The following EIF3H variants were observed in gnomAD, a reference collection of about 807,000 sequenced individuals.
EIF3H encodes eIF-3-gamma.
In EIF3H, 26 loss-of-function variants were observed where a neutral mutation model predicts 44.2. The ratio of observed to expected loss-of-function variants is 0.59; its 90% CI spans 0.43 to 0.82. The LOEUF (loss-of-function observed/expected upper bound fraction) is 0.82. EIF3H is among the 40% of genes least tolerant of loss of function. The pLI, the probability that EIF3H is intolerant of heterozygous loss-of-function variation, is 0.00. For synonymous variants in EIF3H, 166 were observed against 151.9 expected (o/e 1.09, Z -0.68); for missense variants, 359 against 432.8 (o/e 0.83, Z 1.51).
intron 2 of EIF3H, among the ~76,000 whole-genome samples, chr8:116,695,784 C>T (rs1033621915): frequency 1.1e-4 from 17 of 152,008 alleles, no homozygotes; most frequent in African/African-American, 3.4e-4. Flanking sequence ...CAGGAAAAGG[C>T]TTGGGAGCAG....
intron 2 of EIF3H, among the ~76,000 whole-genome samples, chr8:116,724,086 TC>T (rs1307640445): frequency 2.0e-5 from 3 of 152,170 alleles, no homozygotes; most frequent in Non-Finnish European, 2.9e-5. Flanking sequence ...AAAGTGTACT[TC>T]TGACATTAAG....
At chr8:116,747,837 C>A (rs897816446) in intron 1 of EIF3H, among the ~76,000 whole-genome samples, 1 of 152,066 alleles carries the variant, frequency 6.6e-6, no homozygotes, top group Non-Finnish European at 1.5e-5. Context: ...CAGCCTGCTG[C>A]GGTGGCTCAC....
chr8:116,720,537 T>C (rs1814726335), intron 2 of EIF3H, among the ~76,000 whole-genome samples: 1 of 152,152 alleles, frequency 6.6e-6, no homozygotes, highest in Non-Finnish European at 1.5e-5. Context: ...TACAGTAAAT[T>C]GGTACCAAGA....
chr8:116,753,103 C>T lies in EIF3H; in HGVS notation c.132+2563G>A, dbSNP rs1331744881. On this transcript the variant is annotated intron_variant, in intron 1 of 7. Coordinates refer to ENST00000521861, the MANE Select transcript of EIF3H (RefSeq NM_003756.3). ...ATTTATGGTAACTGGAAAACATTCA[C>T]CATTAAAAAATGAGCAACCAAGATA... 3.3e-5 allele frequency among the ~76,000 whole-genome samples: 5 copies of T among 152,054 alleles called. No individual in the cohort carries two copies. In the South Asian group the frequency reaches 6.2e-4, roughly 19 times the overall value.
intron 2 of EIF3H, among the ~76,000 whole-genome samples, chr8:116,671,061 G>C (rs1312922076): frequency 6.6e-6 from 1 of 152,204 alleles, no homozygotes; most frequent in Non-Finnish European, 1.5e-5. Flanking sequence ...TGGCAAACAG[G>C]CTCCTGCCAG....
rs151168144 is a variant in EIF3H at position 116,688,828 on chromosome 8, G to A, written c.290-29848C>T. ...ATACGAGAAGTAATAAAAACTAATG[G>A]GTAGTATCTTGATTTAAAAAATAAT... On this transcript the variant is annotated intron_variant, in intron 2 of 7. Coordinates refer to ENST00000521861, the MANE Select transcript of EIF3H (RefSeq NM_003756.3). 5.6e-4 allele frequency among the ~76,000 whole-genome samples: 85 copies of A among 152,164 alleles called. 1 individual carries two copies. Among genetic ancestry groups the A allele is most frequent in the Non-Finnish European group, 1.1e-3 (74 of 67,982 alleles).
intron 1 of EIF3H, among the ~76,000 whole-genome samples, chr8:116,731,299 C>G (rs1032650984): frequency 6.6e-6 from 1 of 152,134 alleles, no homozygotes; most frequent in African/African-American, 2.4e-5. Flanking sequence ...TATACTAATG[C>G]GTGAGCACAC....
At chr8:116,678,313 G>A (rs1813887678) in intron 2 of EIF3H, among the ~76,000 whole-genome samples, 1 of 151,854 alleles carries the variant, frequency 6.6e-6, no homozygotes, top group Non-Finnish European at 1.5e-5. Context: ...TGCCCAGGCT[G>A]GAGTGCAGTG....
chr8:116,659,588 G>A (rs774890253), intron 2 of EIF3H, among the ~76,000 whole-genome samples: 2 of 152,126 alleles, frequency 1.3e-5, no homozygotes, highest in Non-Finnish European at 2.9e-5. Flanking sequence ...TTTCTTGTCT[G>A]TGTGTTCCTT....
chr8:116,737,090 T>C (rs889871340), intron 1 of EIF3H: 2 of 222,670 alleles, frequency 9.0e-6, no homozygotes, highest in East Asian at 2.6e-4. Flanking sequence ...ATATTTACCA[T>C]CTCCCTGCCC....
chr8:116,659,886 T>A lies in EIF3H; in HGVS notation c.290-906A>T, dbSNP rs568158031. On this transcript the variant is annotated intron_variant, in intron 2 of 7. Transcript: ENST00000521861. Reference sequence around the variant, plus strand: ...AATAGCCATGCTATTTCTATTATTATTTATTATTATTATTATTGACACAGG... The same window carrying A: ...AATAGCCATGCTATTTCTATTATTAATTATTATTATTATTATTGACACAGG... Among the ~76,000 whole-genome samples, 4 of 151,982 alleles carry A rather than the reference T, an allele frequency of 2.6e-5. No homozygotes were observed. The South Asian group carries it at 8.3e-4, about 32-fold the overall frequency.
chr8:116,737,411 T>G (rs771036727), intron 1 of EIF3H: 6 of 371,986 alleles, frequency 1.6e-5, no homozygotes, highest in Non-Finnish European at 2.6e-5. Context: ...ATCCCAGCAC[T>G]CTGGGAGGCT....
intron 1 of EIF3H, among the ~76,000 whole-genome samples, chr8:116,726,455 T>G (rs1219851169): frequency 6.6e-6 from 1 of 152,160 alleles, no homozygotes; most frequent in African/African-American, 2.4e-5. Context: ...TGGTCTGGCA[T>G]CCAGGAGTTC....
chr8:116,762,707 G>A (rs915405573), intron 1 of EIF3H, among the ~76,000 whole-genome samples: 1 of 152,228 alleles, frequency 6.6e-6, no homozygotes, highest in East Asian at 1.9e-4. Flanking sequence ...GCCAAGGTGA[G>A]CGGACCATTT....
chr8:116,734,293 A>T (rs1456021281), intron 1 of EIF3H: 2 of 455,986 alleles, frequency 4.4e-6, no homozygotes, highest in Admixed American at 4.7e-5. Flanking sequence ...GGGATCCAGG[A>T]AGGGCTTCTG....
chr8:116,717,683 T>C (rs1036676476), intron 2 of EIF3H, among the ~76,000 whole-genome samples: 16 of 152,118 alleles, frequency 1.1e-4, no homozygotes, highest in Non-Finnish European at 1.9e-4. Context: ...GCTGAGATAA[T>C]TGGCAATCCA....
At chr8:116,684,970 C>G (rs1207739642) in intron 2 of EIF3H, among the ~76,000 whole-genome samples, 1 of 152,072 alleles carries the variant, frequency 6.6e-6, no homozygotes, top group South Asian at 2.1e-4. Context: ...ACTATTTATT[C>G]GTAAGGGATA....
At chr8:116,698,888 C>T (rs1022389271) in intron 2 of EIF3H, among the ~76,000 whole-genome samples, 10 of 152,294 alleles carry the variant, frequency 6.6e-5, no homozygotes, top group African/African-American at 2.2e-4. Flanking sequence ...TGGCTGACAT[C>T]TGTAGTCCCA....
chr8:116,655,322 C>T (rs1229912421), intron 5 of EIF3H, among the ~76,000 whole-genome samples: 2 of 151,152 alleles, frequency 1.3e-5, no homozygotes, highest in African/African-American at 4.9e-5. Flanking sequence ...AAATCGTTAT[C>T]ACCAACTAAA....
Sources: allele counts gnomAD v4.1 joint callset (sites outside exome capture counted in the v4.1 genomes callset), GRCh38; gene constraint gnomAD v4.1.1; transcripts MANE v1.5; gene names NCBI Gene and HGNC (gene_info 2026-07-23, HGNC 2026-07-21).